Variants in FZD6 observed in about 807,000 individuals in gnomAD.
FZD6 encodes the protein frizzled class receptor 6, also known as frizzled-6.
A neutral mutation model predicts 61.4 loss-of-function variants in FZD6; 49 were observed. That is an observed-to-expected ratio of 0.80 (90% CI 0.63 to 1.01). FZD6 has a LOEUF of 1.01. Ranked by LOEUF, FZD6 falls within the 50% of genes least tolerant of loss-of-function variation. The pLI, the probability that FZD6 is intolerant of heterozygous loss-of-function variation, is 0.00. For synonymous variants in FZD6, 265 were observed against 292.2 expected, an observed-to-expected ratio of 0.91 and a Z score of 0.95; for missense variants, 724 against 848.2, an observed-to-expected ratio of 0.85 and a Z score of 1.82.
At chr8:103,313,172 GAGA>G (rs763797052) in intron 2 of FZD6, among the ~76,000 whole-genome samples, 34 of 152,134 alleles carry the variant, frequency 2.2e-4, no homozygotes, top group Non-Finnish European at 4.1e-4. Context: ...GCAAGGTGGA[GAGA>G]AGAACAGGTT....
chr8:103,314,414 C>T (rs1310764430), intron 2 of FZD6, among the ~76,000 whole-genome samples: 2 of 152,152 alleles, frequency 1.3e-5, no homozygotes, highest in African/African-American at 2.4e-5. Context: ...CCGCAGCTCC[C>T]CTTCTCCTAC....
intron 4 of FZD6, among the ~76,000 whole-genome samples, chr8:103,326,695 A>C (rs1416634635): frequency 9.1e-6 from 1 of 109,694 alleles, no homozygotes; most frequent in Admixed American, 8.5e-5. Context: ...TCTGCGTGAC[A>C]AAAAAAAACA....
chr8:103,313,808 G>T (rs1318826017), intron 2 of FZD6, among the ~76,000 whole-genome samples: 3 of 151,104 alleles, frequency 2.0e-5, no homozygotes, highest in Non-Finnish European at 4.4e-5. Context: ...GTGTGTCAGG[G>T]AAGGGGGGGG....
chr8:103,320,284 C>T (rs16870335), intron 3 of FZD6, among the ~76,000 whole-genome samples: 7,756 of 152,086 alleles, frequency 0.051, 577 homozygotes, highest in African/African-American at 0.16. Flanking sequence ...AGAGAGGCTT[C>T]GTAACATTTT....
Position 103,332,707 on chromosome 8 carries a change from T to C in FZD6, c.*1198T>C, listed in dbSNP as rs1399702900. 2 of 152,620 alleles carry C rather than the reference T, an allele frequency of 1.3e-5. No homozygotes were observed. Among genetic ancestry groups the C allele is most frequent in the Non-Finnish European group, 2.9e-5 (2 of 68,034 alleles). 9.5% of individuals were successfully genotyped at this position (152,620 alleles called of 1,614,324 possible). A position where few individuals can be genotyped will look rare whatever the true frequency, so the allele number is the denominator to read the frequency against. ...CTCTCAATTTAGCATTTGCTTTTGG[T>C]TTTTTTCTCTATTTAGCATTCTGTT... On this transcript the variant is annotated 3_prime_UTR_variant, in exon 7 of 7. Coordinates refer to ENST00000358755, the MANE Select transcript of FZD6 (RefSeq NM_003506.4).
At chr8:103,322,080 T>C (rs1814806320) in intron 3 of FZD6, among the ~76,000 whole-genome samples, 1 of 152,188 alleles carries the variant, frequency 6.6e-6, no homozygotes, top group Admixed American at 6.5e-5. Flanking sequence ...GATTTTATAA[T>C]TAATAAGTGC....
At position 103,318,571 on chromosome 8, in the gene FZD6, A is replaced by G; in HGVS notation, c.178-19A>G. 7.1e-7 allele frequency: 1 copy of G among 1,404,662 alleles called. No homozygotes were observed. Among genetic ancestry groups the G allele is most frequent in the Non-Finnish European group, 1.0e-6 (1 of 988,988 alleles). 87.0% of individuals were successfully genotyped at this position (1,404,662 alleles called of 1,614,324 possible). On this transcript the variant is annotated intron_variant, in intron 2 of 6. Transcript: ENST00000358755. ...TGTTATTAAAATGTTTTCTAACTGT[A>G]TCTTGATGTCTTTAATAGCATTTTC...
In FZD6 at chr8:103,325,146, A is replaced by G; in HGVS notation, c.1040A>G (p.Lys347Arg). 1 of 1,614,078 alleles carries G rather than the reference A, an allele frequency of 6.2e-7. No homozygotes were observed. The change falls in exon 4 of 7, where the codon AAA (lysine) becomes AGA (arginine). Residue 347 changes from lysine to arginine, a missense_variant. Lys to Arg is a conservative substitution (Grantham distance 26). Transcript: ENST00000358755. The part of the protein sequence containing the change: ...FLTVMLLAMN[K>R]VEGDNISGVC... ...ACTGTTATGCTTCTTGCTATGAACA[A>G]AGTTGAAGGAGACAACATTAGTGGA...
intron 3 of FZD6, among the ~76,000 whole-genome samples, chr8:103,322,372 T>TAAAAAAAA (rs11423905): frequency 8.0e-6 from 1 of 124,618 alleles, no homozygotes. Flanking sequence ...CAGTCTCCAT[T>TAAAAAAAA]AAAAAAAAAA....
Position 103,325,461 on chromosome 8 carries a change from A to G in FZD6, c.1355A>G (p.Asp452Gly). 1 of 1,613,678 alleles carries G rather than the reference A, an allele frequency of 6.2e-7. No homozygotes were observed. The highest frequency in any genetic ancestry group is 1.3e-5 in the African/African-American group (1 of 75,028). The change falls in exon 4 of 7, where the codon GAT (aspartate) becomes GGT (glycine). Residue 452 changes from aspartate (D) to glycine (G), a missense_variant. By Grantham distance (94) the Asp-to-Gly change is moderately conservative (BLOSUM62 -1). Transcript: ENST00000358755. ...RITWEITWVS[D>G]HCRQYHIPCP... ...ACCTGGGAGATAACTTGGGTCTCTGATCATTGTCGTCAGTACCATATCCCA... is the reference window on the plus strand; with the variant it reads ...ACCTGGGAGATAACTTGGGTCTCTGGTCATTGTCGTCAGTACCATATCCCA...
chr8:103,304,034 T>G (rs1814256885), intron 2 of FZD6, among the ~76,000 whole-genome samples: 1 of 152,200 alleles, frequency 6.6e-6, no homozygotes, highest in Non-Finnish European at 1.5e-5. Flanking sequence ...GTTTTATAGC[T>G]TCTCTAAAGA....
Position 103,324,932 on chromosome 8 carries a change from G to C in FZD6, c.826G>C (p.Gly276Arg). The part of the protein sequence containing the change: ...KLELGDTVVL[G>R]SQNKACTVLF... Reference sequence around the variant, plus strand: ...AGAACTTGGTGACACTGTTGTCCTAGGCTCTCAAAATAAGGCTTGCACCGT... The same window carrying C: ...AGAACTTGGTGACACTGTTGTCCTACGCTCTCAAAATAAGGCTTGCACCGT... Residue 276 changes from glycine to arginine, a missense_variant, in exon 4 of 7, where the codon GGC (glycine) becomes CGC (arginine). Gly to Arg is a moderately radical substitution (Grantham distance 125, BLOSUM62 -2). Coordinates refer to ENST00000358755, the MANE Select transcript of FZD6 (RefSeq NM_003506.4). The C allele has an allele frequency of 6.2e-7, 1 of 1,614,100 alleles. No homozygotes were observed. Among genetic ancestry groups the C allele is most frequent in the Non-Finnish European group, 8.5e-7 (1 of 1,179,994 alleles).
In FZD6 at chr8:103,329,619, A is replaced by T. The variant is rs113757757; in HGVS notation, c.1542-36A>T. On this transcript the variant is annotated intron_variant, in intron 5 of 6. Coordinates refer to ENST00000358755, the MANE Select transcript of FZD6 (RefSeq NM_003506.4). ...TCCTCTACTTTATAGCCACACTTCTAATTTGAGTAAATCCTCTCCTTCAAT... is the reference window on the plus strand; with the variant it reads ...TCCTCTACTTTATAGCCACACTTCTTATTTGAGTAAATCCTCTCCTTCAAT... 3.2e-3 allele frequency: 4,749 copies of T among 1,503,162 alleles called. 121 individuals are homozygous for T. In the African/African-American group the frequency reaches 0.057, roughly 18 times the overall value. The allele number at this position is 1,503,162 out of a possible 1,614,324, so 93.1% of individuals were successfully genotyped here. A position where few individuals can be genotyped will look rare whatever the true frequency, so the allele number is the denominator to read the frequency against.
intron 2 of FZD6, among the ~76,000 whole-genome samples, chr8:103,304,477 C>A (rs1332203777): frequency 3.9e-5 from 6 of 152,156 alleles, no homozygotes. Context: ...CCAGGTGTTT[C>A]TTTTGAGTGT....
intron 3 of FZD6, among the ~76,000 whole-genome samples, chr8:103,318,995 G>A (rs1334018958): frequency 1.3e-5 from 2 of 152,338 alleles, no homozygotes; most frequent in Middle Eastern, 3.4e-3. Flanking sequence ...CTTACAGTGA[G>A]GTGAGAGGGA....
intron 3 of FZD6, among the ~76,000 whole-genome samples, chr8:103,321,872 A>G (rs1217046038): frequency 1.3e-5 from 2 of 152,144 alleles, no homozygotes; most frequent in Non-Finnish European, 2.9e-5. Context: ...ACAGCAGTGC[A>G]TGTCCACCAT....
chr8:103,325,099 A>G lies in FZD6; in HGVS notation c.993A>G (p.Ala331=), dbSNP rs554103695. 4.3e-6 allele frequency: 7 copies of G among 1,614,212 alleles called. No individual in the cohort carries two copies. In the East Asian group the frequency reaches 6.7e-5, roughly 15 times the overall value. Residue 331 remains alanine (A), a synonymous_variant, in exon 4 of 7, where the codon GCA becomes GCG. Coordinates refer to ENST00000358755, the MANE Select transcript of FZD6 (RefSeq NM_003506.4). ...AAGCAGTGTGGTTTCATGCTGTTGCATGGGGAACACCAGGTTTCCTGACTG... is the reference window on the plus strand; with the variant it reads ...AAGCAGTGTGGTTTCATGCTGTTGCGTGGGGAACACCAGGTTTCCTGACTG... ...EQKAVWFHAV[A]WGTPGFLTVM... is the part of the protein sequence containing the mutation.
intron 2 of FZD6, among the ~76,000 whole-genome samples, chr8:103,305,760 G>C (rs982503122): frequency 6.6e-6 from 1 of 152,230 alleles, no homozygotes; most frequent in Admixed American, 6.5e-5. Flanking sequence ...CAGTAGCAGG[G>C]AAAGTCCCTT....
At chr8:103,320,568 TGGA>T (rs770456539) in intron 3 of FZD6, among the ~76,000 whole-genome samples, 7 of 150,900 alleles carry the variant, frequency 4.6e-5, no homozygotes, top group Non-Finnish European at 8.8e-5. Context: ...GGAGACAAGC[TGGA>T]GGAGATCTAT....
Sources: gnomAD v4.1 joint callset for allele counts (sites outside exome capture counted in the v4.1 genomes callset) on GRCh38, gnomAD v4.1.1 for gene constraint, MANE v1.5 for transcripts, NCBI Gene and HGNC (gene_info 2026-07-23, HGNC 2026-07-21) for gene names.